Variants in PCDH15 observed in about 807,000 individuals in gnomAD.
PCDH15 encodes protocadherin related 15.
Under a neutral mutation model 178.5 loss-of-function variants are expected in PCDH15, and 129 were observed. The observed-to-expected ratio is 0.72, with a 90% CI of 0.63 to 0.84. The LOEUF is 0.84. Among genes scored for constraint, PCDH15 ranks in the 40% least tolerant of loss-of-function variants. The pLI, the probability that PCDH15 is intolerant of heterozygous loss-of-function variation, is 0.00. For synonymous variants in PCDH15, 800 were observed against 732.0 expected (o/e 1.09, Z -1.50); for missense variants, 2,230 against 2,099.9 (o/e 1.06, Z -1.21).
chr10:53,820,747 A>C, intron 32 of PCDH15, among the ~76,000 whole-genome samples: 1 of 152,054 alleles, frequency 6.6e-6, no homozygotes, highest in East Asian at 1.9e-4. Context: ...AGGAAGGGAC[A>C]TAGATAGTAT....
At chr10:55,235,919 A>AAT (rs1841373508) in intron 1 of PCDH15, among the ~76,000 whole-genome samples, 2 of 46,620 alleles carry the variant, frequency 4.3e-5, no homozygotes, top group Non-Finnish European at 9.3e-5. Flanking sequence ...AAAAAAAAAA[A>AAT]AAAAAAAAAA....
At chr10:55,074,283 G>A (rs918948207) in intron 2 of PCDH15, among the ~76,000 whole-genome samples, 1 of 152,086 alleles carries the variant, frequency 6.6e-6, no homozygotes, top group Non-Finnish European at 1.5e-5. Flanking sequence ...TTGAGGAATT[G>A]CTACAGTATC....
intron 2 of PCDH15, among the ~76,000 whole-genome samples, chr10:55,609,959 G>A (rs1843330773): frequency 1.3e-5 from 2 of 152,002 alleles, no homozygotes; most frequent in African/African-American, 4.8e-5. Flanking sequence ...TCATAATAAG[G>A]AGAAAAAATT....
chr10:54,722,619 T>C (rs911435042), intron 1 of PCDH15, among the ~76,000 whole-genome samples: 6 of 150,536 alleles, frequency 4.0e-5, no homozygotes, highest in Admixed American at 1.3e-4. Context: ...TGTTAAATGA[T>C]GGCATAATTG....
chr10:54,199,567 CAACAAT>C (rs1202533335), intron 10 of PCDH15, among the ~76,000 whole-genome samples: 41 of 89,580 alleles, frequency 4.6e-4, no homozygotes, highest in Non-Finnish European at 2.4e-4. Context: ...ACAACAACAA[CAACAAT>C]AATAATAATA....
intron 2 of PCDH15, among the ~76,000 whole-genome samples, chr10:55,029,839 C>T (rs1189807309): frequency 1.3e-5 from 2 of 152,154 alleles, no homozygotes; most frequent in South Asian, 2.1e-4. Flanking sequence ...AAAGTTGAAG[C>T]AGCCAGTTGC....
chr10:54,188,423 T>G (rs2048670130), intron 11 of PCDH15, among the ~76,000 whole-genome samples: 1 of 151,910 alleles, frequency 6.6e-6, no homozygotes, highest in South Asian at 2.1e-4. Context: ...TATAAGTTTA[T>G]TTAAAATGAA....
At chr10:54,792,003 C>T (rs1456866191) in intron 1 of PCDH15, among the ~76,000 whole-genome samples, 1 of 151,728 alleles carries the variant, frequency 6.6e-6, no homozygotes, top group African/African-American at 2.4e-5. Context: ...CATAGAATGA[C>T]CCTGAGAAGT....
intron 26 of PCDH15, among the ~76,000 whole-genome samples, chr10:53,885,732 C>T (rs1335219791): frequency 6.6e-6 from 1 of 152,096 alleles, no homozygotes; most frequent in East Asian, 1.9e-4. Flanking sequence ...AACCAACTAT[C>T]TCATTTAACA....
At position 54,317,413 on chromosome 10, in the gene PCDH15, C is replaced by T. The variant is rs562377533; in HGVS notation, c.734G>A (p.Arg245Gln). Reference protein sequence around the residue: ...NDRAQNLNERRTTTTTLTVDV... With the variant: ...NDRAQNLNERQTTTTTLTVDV... ...CACTGTGAGAGTGGTGGTGGTGGTT[C>T]GCCTCTCATTCAGATTTTGGGCACG... Residue 245 changes from arginine to glutamine, a missense_variant, in exon 8 of 38, where the codon CGA becomes CAA. Transcript: ENST00000644397. The T allele has an allele frequency of 1.9e-4, 312 of 1,613,776 alleles. No homozygotes were observed. Among genetic ancestry groups the T allele is most frequent in the East Asian group, 3.1e-4 (14 of 44,860 alleles).
chr10:55,046,349 C>G (rs1233082389), intron 2 of PCDH15, among the ~76,000 whole-genome samples: 2 of 151,892 alleles, frequency 1.3e-5, no homozygotes, highest in African/African-American at 4.8e-5. Flanking sequence ...GTGGTGATAT[C>G]TGAATGGTGT....
At chr10:55,549,038 T>G (rs1246967472) in intron 2 of PCDH15, among the ~76,000 whole-genome samples, 1 of 152,120 alleles carries the variant, frequency 6.6e-6, no homozygotes, top group Non-Finnish European at 1.5e-5. Context: ...TATATTAACA[T>G]AACATTGGAT....
chr10:54,309,400 G>T (rs1438502526), intron 8 of PCDH15, among the ~76,000 whole-genome samples: 1 of 151,590 alleles, frequency 6.6e-6, no homozygotes, highest in African/African-American at 2.4e-5. Context: ...AATTGAGACT[G>T]AGAGGACAAG....
chr10:55,052,585 G>C (rs1841193948), intron 2 of PCDH15, among the ~76,000 whole-genome samples: 1 of 145,410 alleles, frequency 6.9e-6, no homozygotes, highest in African/African-American at 2.5e-5. Context: ...GGTGGTGTGT[G>C]CCTGTAGTCC....
intron 21 of PCDH15, among the ~76,000 whole-genome samples, chr10:53,988,820 T>A (rs563035440): frequency 6.6e-6 from 1 of 152,322 alleles, no homozygotes; most frequent in South Asian, 2.1e-4. Context: ...AGGTATATTC[T>A]TATTCCCCAC....
At chr10:55,153,162 A>T (rs895924394) in intron 2 of PCDH15, among the ~76,000 whole-genome samples, 7 of 152,152 alleles carry the variant, frequency 4.6e-5, no homozygotes, top group Non-Finnish European at 7.3e-5. Context: ...CACACCTATG[A>T]CTTCCATAAG....
chr10:55,565,517 A>C (rs909407178), intron 2 of PCDH15, among the ~76,000 whole-genome samples: 1 of 151,716 alleles, frequency 6.6e-6, no homozygotes, highest in Admixed American at 6.6e-5. Flanking sequence ...TAGAGCAGAG[A>C]TAGACAAAAT....
chr10:54,723,340 G>T (rs951662848), intron 1 of PCDH15, among the ~76,000 whole-genome samples: 9 of 151,616 alleles, frequency 5.9e-5, no homozygotes, highest in African/African-American at 2.2e-4. Context: ...AAATTGGCTA[G>T]CCACGTGCAG....
chr10:55,449,435 T>G (rs981837325), intron 2 of PCDH15, among the ~76,000 whole-genome samples: 9 of 152,056 alleles, frequency 5.9e-5, no homozygotes, highest in Non-Finnish European at 1.3e-4. Context: ...AGAGTACACC[T>G]ACAATGCAGT....
Sources: allele counts gnomAD v4.1 joint callset (sites outside exome capture counted in the v4.1 genomes callset), GRCh38; gene constraint gnomAD v4.1.1; transcripts MANE v1.5; gene names NCBI Gene and HGNC (gene_info 2026-07-23, HGNC 2026-07-21).